GALNT17: variants seen among roughly 807,000 people sequenced by gnomAD.
GALNT17 encodes the protein polypeptide N-acetylgalactosaminyltransferase 17, also known as UDP-GalNAc:polypeptide N-acetylgalactosaminyltransferase-like 3.
GALNT17 carries 29 observed loss-of-function variants against 63.7 expected under a neutral mutation model. The observed-to-expected ratio is 0.46, with a 90% CI of 0.34 to 0.62. The LOEUF (loss-of-function observed/expected upper bound fraction) is 0.62. GALNT17 is among the 20% of genes least tolerant of loss of function. GALNT17 has a pLI of 0.01. For missense variants in GALNT17, 603 were observed against 799.6 expected, an observed-to-expected ratio of 0.75 and a Z score of 2.97; for synonymous variants, 305 against 318.3, an observed-to-expected ratio of 0.96 and a Z score of 0.45.
chr7:71,415,968 G>A lies in GALNT17; in HGVS notation c.669G>A (p.Arg223=). The A allele has an allele frequency of 6.2e-7, 1 of 1,613,886 alleles. No individual in the cohort carries two copies. The highest frequency in any genetic ancestry group is 8.5e-7 in the Non-Finnish European group (1 of 1,179,910). ...TGAAGGTGGTAAGAAATCAGAAGAGGGAAGGCCTGATCCGCGCTCGCATTG... is the reference window on the plus strand; with the variant it reads ...TGAAGGTGGTAAGAAATCAGAAGAGAGAAGGCCTGATCCGCGCTCGCATTG... ...GLVKVVRNQK[R]EGLIRARIEG... is the part of the protein sequence containing the mutation. The change falls in exon 4 of 11, where the codon AGG becomes AGA. Residue 223 remains arginine, a synonymous_variant. Transcript: ENST00000333538.
At chr7:71,289,642 G>A (rs529751121) in intron 1 of GALNT17, among the ~76,000 whole-genome samples, 8 of 152,258 alleles carry the variant, frequency 5.3e-5, no homozygotes, top group African/African-American at 1.9e-4. Flanking sequence ...CACTTTGGGA[G>A]GCCGAGGCAG....
At chr7:71,662,332 A>ATCTATCTGTCTGTCTG (rs147810329) in intron 6 of GALNT17, among the ~76,000 whole-genome samples, 4 of 151,110 alleles carry the variant, frequency 2.6e-5, no homozygotes, top group African/African-American at 4.9e-5. Context: ...CTATCTATCT[A>ATCTATCTGTCTGTCTG]TCTGTCTGTC....
intron 1 of GALNT17, among the ~76,000 whole-genome samples, chr7:71,267,877 C>G (rs1331443757): frequency 6.7e-6 from 1 of 149,584 alleles, no homozygotes; most frequent in East Asian, 2.0e-4. Flanking sequence ...CACTTCCCAG[C>G]AGGCCCCAGT....
rs78168836 is a variant in GALNT17 at position 71,450,656 on chromosome 7, C to A, written c.962+29551C>A. ...TGTGCTGCACCCTTAAAAGAAACGC[C>A]ATTCTCATTTCCCTCTAACTCTCCC... On this transcript the variant is annotated intron_variant, in intron 5 of 10. Transcript: ENST00000333538. Among the ~76,000 whole-genome samples, 154 of 152,194 alleles carry A rather than the reference C, an allele frequency of 1.0e-3. 2 individuals are homozygous for A. The East Asian group carries it at 0.024, about 23-fold the overall frequency.
At chr7:71,501,646 A>G (rs957029566) in intron 5 of GALNT17, among the ~76,000 whole-genome samples, 2 of 152,006 alleles carry the variant, frequency 1.3e-5, no homozygotes, top group African/African-American at 4.8e-5. Context: ...CCATGTCCTG[A>G]GTGTTGATAG....
At chr7:71,176,188 C>G (rs1788635619) in intron 1 of GALNT17, among the ~76,000 whole-genome samples, 1 of 151,840 alleles carries the variant, frequency 6.6e-6, no homozygotes, top group African/African-American at 2.4e-5. Flanking sequence ...ATGAGAACAC[C>G]AAGCAGAACA....
Position 71,579,867 on chromosome 7 carries a change from AAG to A in GALNT17, c.1080+8476_1080+8477del, listed in dbSNP as rs946670452. 1.3e-4 allele frequency among the ~76,000 whole-genome samples: 19 copies of A among 151,960 alleles called. 1 individual carries two copies. Among genetic ancestry groups the A allele is most frequent in the Non-Finnish European group, 2.4e-4 (16 of 67,906 alleles). On this transcript the variant is annotated intron_variant, in intron 6 of 10. Transcript: ENST00000333538. ...ACAAATAGATAGGTAGGTAGGAAGA[AAG>A]AGAGAGAGAGGGAGAGACAGAGACA...
At chr7:71,526,489 ATTTTTAT>A (rs369923442) in intron 5 of GALNT17, among the ~76,000 whole-genome samples, 57 of 152,162 alleles carry the variant, frequency 3.7e-4, no homozygotes, top group East Asian at 7.7e-4. Flanking sequence ...GTTACATGGA[ATTTTTAT>A]TTTTTATTTT....
At chr7:71,554,350 T>G (rs113879173) in intron 5 of GALNT17, among the ~76,000 whole-genome samples, 47 of 152,314 alleles carry the variant, frequency 3.1e-4, no homozygotes, top group South Asian at 1.0e-3. Context: ...CCTGCCACCA[T>G]GTAAGACGTG....
intron 5 of GALNT17, among the ~76,000 whole-genome samples, chr7:71,461,672 T>A (rs10440952): frequency 6.6e-6 from 1 of 152,262 alleles, no homozygotes; most frequent in South Asian, 2.1e-4. Context: ...CATTAACATA[T>A]CCGCAGGGGA....
chr7:71,150,348 G>T (rs1236399506), intron 1 of GALNT17, among the ~76,000 whole-genome samples: 1 of 151,934 alleles, frequency 6.6e-6, no homozygotes, highest in Non-Finnish European at 1.5e-5. Context: ...TTTCCTCTTG[G>T]GCACAGAGCT....
intron 2 of GALNT17, among the ~76,000 whole-genome samples, chr7:71,380,838 C>T (rs1327289418): frequency 1.3e-5 from 2 of 152,012 alleles, no homozygotes; most frequent in Admixed American, 6.6e-5. Context: ...GGTAAGCTTG[C>T]AGGAGGGAAG....
At chr7:71,154,777 T>C (rs1461310860) in intron 1 of GALNT17, among the ~76,000 whole-genome samples, 1 of 150,462 alleles carries the variant, frequency 6.6e-6, no homozygotes, top group East Asian at 1.9e-4. Flanking sequence ...GGGGTTTCAC[T>C]GTCTTAGCCA....
intron 9 of GALNT17, among the ~76,000 whole-genome samples, chr7:71,709,461 C>G (rs971973555): frequency 6.6e-6 from 1 of 152,112 alleles, no homozygotes; most frequent in African/African-American, 2.4e-5. Context: ...TAGAAATCTC[C>G]TTTTTGAAAG....
chr7:71,378,838 A>G (rs986601407), intron 2 of GALNT17, among the ~76,000 whole-genome samples: 3 of 151,930 alleles, frequency 2.0e-5, no homozygotes, highest in Non-Finnish European at 4.4e-5. Flanking sequence ...AAATAAATAA[A>G]TAAATAAAAA....
chr7:71,435,710 G>A (rs1164915777), intron 5 of GALNT17, among the ~76,000 whole-genome samples: 1 of 151,906 alleles, frequency 6.6e-6, no homozygotes, highest in Non-Finnish European at 1.5e-5. Flanking sequence ...TTCCCCCACC[G>A]AAGTTGCTCT....
chr7:71,606,911 A>G (rs7801657), intron 6 of GALNT17, among the ~76,000 whole-genome samples: 75,462 of 152,066 alleles, frequency 0.5, 19,427 homozygotes, highest in African/African-American at 0.6. Context: ...TCTGAAAGAC[A>G]AGGGTAGTGG....
intron 1 of GALNT17, among the ~76,000 whole-genome samples, chr7:71,319,642 C>T (rs1443911062): frequency 6.6e-6 from 1 of 152,108 alleles, no homozygotes; most frequent in Non-Finnish European, 1.5e-5. Flanking sequence ...TGTTGTATGT[C>T]CCAACCAAAC....
chr7:71,564,722 C>A (rs939010358), intron 5 of GALNT17, among the ~76,000 whole-genome samples: 2 of 152,176 alleles, frequency 1.3e-5, no homozygotes, highest in African/African-American at 2.4e-5. Flanking sequence ...AGGTGGAGGT[C>A]TGGTTTCCCA....
Sources: gnomAD v4.1 joint callset for allele counts (sites outside exome capture counted in the v4.1 genomes callset) on GRCh38, gnomAD v4.1.1 for gene constraint, MANE v1.5 for transcripts, NCBI Gene and HGNC (gene_info 2026-07-23, HGNC 2026-07-21) for gene names.